The following KIAA1217 variants were observed in gnomAD, a reference collection of about 807,000 sequenced individuals.
KIAA1217 encodes the protein KIAA1217.
KIAA1217 carries 88 observed loss-of-function variants against 163.9 expected under a neutral mutation model. The ratio of observed to expected loss-of-function variants is 0.54; its 90% CI spans 0.45 to 0.64. The LOEUF is 0.64. Ranked by LOEUF, KIAA1217 falls within the 30% of genes least tolerant of loss-of-function variation. KIAA1217 has a pLI of 0.00. For synonymous variants in KIAA1217, 903 were observed against 923.1 expected (o/e 0.98, Z 0.39); for missense variants, 2,372 against 2,475.0 (o/e 0.96, Z 0.88).
intron 2 of KIAA1217, among the ~76,000 whole-genome samples, chr10:24,134,027 G>A (rs551538533): frequency 1.3e-5 from 2 of 152,320 alleles, no homozygotes; most frequent in Admixed American, 1.3e-4. Flanking sequence ...TGTACAATAT[G>A]ATGTTTGCCT....
At chr10:24,152,101 T>C (rs1483048479) in intron 2 of KIAA1217, among the ~76,000 whole-genome samples, 1 of 152,200 alleles carries the variant, frequency 6.6e-6, no homozygotes, top group Non-Finnish European at 1.5e-5. Context: ...TCCTTCTTTT[T>C]AGCCTCCACT....
chr10:24,364,758 C>T (rs1350827348), intron 2 of KIAA1217, among the ~76,000 whole-genome samples: 2 of 151,726 alleles, frequency 1.3e-5, no homozygotes, highest in African/African-American at 4.8e-5. Flanking sequence ...GCCTGCCTTC[C>T]TTCCTTTCTT....
At chr10:23,837,798 C>T (rs1838559789) in intron 1 of KIAA1217, among the ~76,000 whole-genome samples, 1 of 152,156 alleles carries the variant, frequency 6.6e-6, no homozygotes, top group Non-Finnish European at 1.5e-5. Context: ...ACCTCTGTCT[C>T]CCAAAATGTT....
intron 2 of KIAA1217, among the ~76,000 whole-genome samples, chr10:24,200,462 C>A (rs2067203925): frequency 2.6e-5 from 4 of 152,078 alleles, no homozygotes; most frequent in Admixed American, 2.0e-4. Context: ...TGCCACTGAG[C>A]CACTGTGCCA....
Position 24,078,928 on chromosome 10 carries a change from G to A in KIAA1217, c.-171+71554G>A, listed in dbSNP as rs148849047. Among the ~76,000 whole-genome samples the A allele has an allele frequency of 3.3e-3, 495 of 152,194 alleles. 8 individuals carry two copies. Among genetic ancestry groups the A allele is most frequent in the African/African-American group, 0.011 (450 of 41,526 alleles). ...GGTTCTTACAACCAAAGGATCCCTC[G>A]TTAAAACACCCTGATTTCCAAGACC... On this transcript the variant is annotated intron_variant, in intron 2 of 18. Coordinates refer to the KIAA1217 transcript ENST00000376462.
intron 1 of KIAA1217, among the ~76,000 whole-genome samples, chr10:23,990,797 A>G (rs1212037324): frequency 6.6e-6 from 1 of 152,184 alleles, no homozygotes; most frequent in Non-Finnish European, 1.5e-5. Context: ...TCCTAGTTAA[A>G]AAATAACTTG....
Position 24,219,654 on chromosome 10 carries a change from A to G in KIAA1217, c.99A>G (p.Thr33=). ...AAGGCAAAGGCAATCTGCATGTAAC[A>G]TCACCAGAAGATGCAGAATGCCGCA... ...QEQGKGNLHV[T]SPEDAECRRT... Residue 33 remains threonine (T), a synonymous_variant, in exon 2 of 21, where the codon ACA becomes ACG. Transcript: ENST00000376454. The G allele has an allele frequency of 4.3e-6, 7 of 1,610,194 alleles. No individual in the cohort carries two copies. The highest frequency in any genetic ancestry group is 5.9e-6 in the Non-Finnish European group (7 of 1,178,120).
At chr10:24,476,072 C>T (rs1422214112) in intron 6 of KIAA1217, among the ~76,000 whole-genome samples, 2 of 152,084 alleles carry the variant, frequency 1.3e-5, no homozygotes, top group African/African-American at 2.4e-5. Context: ...GTTTCCACCC[C>T]GGTTCTTGGA....
At chr10:24,063,321 G>C (rs189124074) in intron 2 of KIAA1217, among the ~76,000 whole-genome samples, 1 of 152,128 alleles carries the variant, frequency 6.6e-6, no homozygotes, top group African/African-American at 2.4e-5. Flanking sequence ...TTTGTATAAG[G>C]TGTAAGGAAG....
chr10:24,309,902 C>G (rs1427287692), intron 2 of KIAA1217, among the ~76,000 whole-genome samples: 2 of 152,152 alleles, frequency 1.3e-5, no homozygotes, highest in Non-Finnish European at 2.9e-5. Flanking sequence ...AACCTATTGT[C>G]CTTAAACTTT....
intron 1 of KIAA1217, among the ~76,000 whole-genome samples, chr10:23,801,376 G>A (rs1212036586): frequency 6.6e-6 from 1 of 152,160 alleles, no homozygotes; most frequent in Admixed American, 6.5e-5. Flanking sequence ...ACCTAATGTA[G>A]ATGATGGGAT....
chr10:23,933,367 C>T (rs991265139), intron 1 of KIAA1217, among the ~76,000 whole-genome samples: 5 of 152,208 alleles, frequency 3.3e-5, no homozygotes, highest in Admixed American at 1.3e-4. Flanking sequence ...AGACCCAGGA[C>T]GTGCTCCTGG....
intron 2 of KIAA1217, among the ~76,000 whole-genome samples, chr10:24,084,868 C>T (rs191021346): frequency 5.3e-5 from 8 of 152,020 alleles, no homozygotes; most frequent in Admixed American, 3.9e-4. Flanking sequence ...TTACTATCTC[C>T]TCTGACAGAG....
At position 24,279,124 on chromosome 10, in the gene KIAA1217, G is replaced by A. The variant is rs575346352; in HGVS notation, c.354+59215G>A. On this transcript the variant is annotated intron_variant, in intron 2 of 20. Transcript: ENST00000376454. ...CAAAGTACTGGGATTGCAGGCATAA[G>A]CCACCACACCCAGCTCAGATTACTG... Among the ~76,000 whole-genome samples, 8 of 152,258 alleles carry A rather than the reference G, an allele frequency of 5.3e-5. No individual in the cohort carries two copies. In the South Asian group the frequency reaches 6.2e-4, roughly 12 times the overall value.
intron 1 of KIAA1217, among the ~76,000 whole-genome samples, chr10:23,937,366 G>A (rs1054816221): frequency 1.3e-5 from 2 of 152,126 alleles, no homozygotes; most frequent in African/African-American, 2.4e-5. Flanking sequence ...GTGGCACACT[G>A]ACCACCCAGC....
intron 2 of KIAA1217, among the ~76,000 whole-genome samples, chr10:24,148,093 A>C (rs2064422949): frequency 6.6e-6 from 1 of 152,210 alleles, no homozygotes; most frequent in Middle Eastern, 3.4e-3. Context: ...TCTAAAAATA[A>C]GTTGCCTTTG....
chr10:23,864,839 A>G (rs1223749203), intron 1 of KIAA1217, among the ~76,000 whole-genome samples: 1 of 152,170 alleles, frequency 6.6e-6, no homozygotes, highest in African/African-American at 2.4e-5. Context: ...CTGGAGGCCA[A>G]GGGAAAAGCT....
At chr10:24,153,210 A>G (rs146650178) in intron 2 of KIAA1217, among the ~76,000 whole-genome samples, 128 of 152,350 alleles carry the variant, frequency 8.4e-4, no homozygotes, top group African/African-American at 2.9e-3. Flanking sequence ...AACTCTTCAT[A>G]TAACATTAAG....
intron 6 of KIAA1217, among the ~76,000 whole-genome samples, chr10:24,476,154 T>C (rs1008815805): frequency 2.0e-5 from 3 of 152,194 alleles, no homozygotes; most frequent in African/African-American, 7.2e-5. Flanking sequence ...AGTGCTGAAA[T>C]TATCAAAATT....
Sources: allele counts gnomAD v4.1 joint callset (sites outside exome capture counted in the v4.1 genomes callset), GRCh38; gene constraint gnomAD v4.1.1; transcripts MANE v1.5; gene names NCBI Gene and HGNC (gene_info 2026-07-23, HGNC 2026-07-21).